The following ZNF180 variants were observed in gnomAD, a reference collection of about 807,000 sequenced individuals.
ZNF180 encodes the protein zinc finger protein 180.
Under a neutral mutation model 11.8 loss-of-function variants are expected in ZNF180, and 11 were observed. The observed-to-expected ratio is 0.93, with a 90% CI of 0.59 to 1.55. The LOEUF is 1.55. ZNF180 is among the 40% of genes most tolerant of loss of function. The probability of loss-of-function intolerance (pLI) is 0.00; values close to 1 mark genes in which losing one functional copy is unlikely to be tolerated. For missense variants in ZNF180, 773 were observed against 781.7 expected (o/e 0.99, Z 0.13); for synonymous variants, 287 against 257.7 (o/e 1.11, Z -1.09).
Position 44,491,656 on chromosome 19 carries a change from G to A in ZNF180, c.51+5628C>T, listed in dbSNP as rs112987511. Reference sequence around the variant, plus strand: ...CACCATCATAGCCTACTATAGTCTTGAACTCCTGGGCTCAAGCTATCCTAC... The same window carrying A: ...CACCATCATAGCCTACTATAGTCTTAAACTCCTGGGCTCAAGCTATCCTAC... On this transcript the variant is annotated intron_variant, in intron 2 of 4. Transcript: ENST00000592529. Among the ~76,000 whole-genome samples the A allele has an allele frequency of 2.6e-5, 4 of 152,200 alleles. 1 individual carries two copies. Among genetic ancestry groups the A allele is most frequent in the African/African-American group, 9.6e-5 (4 of 41,528 alleles).
At chr19:44,498,768 C>A (rs995438349) in intron 1 of ZNF180, among the ~76,000 whole-genome samples, 1 of 152,196 alleles carries the variant, frequency 6.6e-6, no homozygotes, top group African/African-American at 2.4e-5. Flanking sequence ...CATGCCTCCC[C>A]AATCTGCCCA....
intron 3 of ZNF180, 78 bp from the exon 4 acceptor site, chr19:44,479,487 A>G (rs1600071740): frequency 6.3e-7 from 1 of 1,577,872 alleles, no homozygotes; most frequent in Non-Finnish European, 8.6e-7. Flanking sequence ...AGTCTGACAG[A>G]TGGAAAAAGG....
chr19:44,476,727 G>C lies in ZNF180; in HGVS notation c.1673C>G (p.Ser558Cys). The change falls in exon 5 of 5, where the codon TCC becomes TGC. Residue 558 changes from serine (S) to cysteine (C), a missense_variant. By Grantham distance (112) the Ser-to-Cys change is moderately radical. Coordinates refer to ENST00000592529, the MANE Select transcript of ZNF180 (RefSeq NM_001278509.3). ...AACAAGAACATAACTCTGGCTGAAG[G>C]ATTTCCCACACTGATTACATTCATA... ...KPYECNQCGK[S>C]FSQSYVLVVH... 6.2e-7 allele frequency: 1 copy of C among 1,614,170 alleles called. No homozygotes were observed. The highest frequency in any genetic ancestry group is 8.5e-7 in the Non-Finnish European group (1 of 1,180,008).
At position 44,478,040 on chromosome 19, in the gene ZNF180, A is replaced by G; in HGVS notation, c.360T>C (p.Pro120=). 1 of 1,614,058 alleles carries G rather than the reference A, an allele frequency of 6.2e-7. No individual in the cohort carries two copies. The highest frequency in any genetic ancestry group is 8.5e-7 in the Non-Finnish European group (1 of 1,179,948). The part of the protein sequence containing the change: ...VKIERFTRDD[P]WLSSCEEVDD... ...CCACTTCTTCACATGAAGATAACCAAGGATCATCCCTTGTAAACCTTTCTA... is the reference window on the plus strand; with the variant it reads ...CCACTTCTTCACATGAAGATAACCAGGGATCATCCCTTGTAAACCTTTCTA... The change falls in exon 5 of 5, where the codon CCT becomes CCC. Residue 120 remains proline, a synonymous_variant. Transcript: ENST00000592529.
chr19:44,488,795 C>A (rs916616944), intron 2 of ZNF180, among the ~76,000 whole-genome samples: 1 of 151,914 alleles, frequency 6.6e-6, no homozygotes, highest in Non-Finnish European at 1.5e-5. Flanking sequence ...CTCTGCCCGG[C>A]GGCCATCCCA....
rs1970724293 is a variant in ZNF180, at chr19:44,500,462, T to C, written c.-231A>G. On this transcript the variant is annotated 5_prime_UTR_variant, in exon 1 of 5. Coordinates refer to ENST00000592529, the MANE Select transcript of ZNF180 (RefSeq NM_001278509.3). ...CCGCAAGGCCGCTGGGGGTTAAGTC[T>C]GAAGGGCCGAGCTGCTCGGCGACAG... 1.9e-5 allele frequency: 11 copies of C among 580,106 alleles called. No individual in the cohort carries two copies. In the East Asian group the frequency reaches 3.2e-4, roughly 17 times the overall value. 35.9% of individuals were successfully genotyped at this position (580,106 alleles called of 1,614,324 possible). A position where few individuals can be genotyped will look rare whatever the true frequency, so the allele number is the denominator to read the frequency against.
Position 44,496,268 on chromosome 19 carries a change from C to T in ZNF180, c.51+1016G>A, listed in dbSNP as rs149578628. Among the ~76,000 whole-genome samples, 236 of 152,144 alleles carry T rather than the reference C, an allele frequency of 1.6e-3. 1 individual carries two copies. Among genetic ancestry groups the T allele is most frequent in the African/African-American group, 5.7e-3 (236 of 41,512 alleles). On this transcript the variant is annotated intron_variant, in intron 2 of 4. Transcript: ENST00000592529. ...TCCTGGCCTCAAGCAATCCTCCCACCTCGGCCTCCCAAAGTACTGGGATTA... is the reference window on the plus strand; with the variant it reads ...TCCTGGCCTCAAGCAATCCTCCCACTTCGGCCTCCCAAAGTACTGGGATTA...
chr19:44,487,766 C>T (rs571360519), intron 2 of ZNF180, among the ~76,000 whole-genome samples: 1 of 152,230 alleles, frequency 6.6e-6, no homozygotes, highest in South Asian at 2.1e-4. Context: ...CTCGCGCTGT[C>T]CCCAGGCTGG....
chr19:44,483,378 T>C (rs1664998266), intron 3 of ZNF180, among the ~76,000 whole-genome samples: 1 of 152,216 alleles, frequency 6.6e-6, no homozygotes, highest in Admixed American at 6.5e-5. Flanking sequence ...AAAAACTAAA[T>C]GAATCTGAAT....
At chr19:44,489,975 G>GAA (rs1970391985) in intron 2 of ZNF180, among the ~76,000 whole-genome samples, 12 of 111,054 alleles carry the variant, frequency 1.1e-4, no homozygotes, top group African/African-American at 4.4e-4. Flanking sequence ...AGAAAAGAAA[G>GAA]AAAGAAAGAA....
chr19:44,481,589 G>A (rs1970081432), intron 3 of ZNF180, among the ~76,000 whole-genome samples: 1 of 152,046 alleles, frequency 6.6e-6, no homozygotes, highest in African/African-American at 2.4e-5. Context: ...AAAGTTCCAT[G>A]GACTTCTATA....
chr19:44,499,432 T>G (rs943931618), intron 1 of ZNF180, among the ~76,000 whole-genome samples: 1 of 152,208 alleles, frequency 6.6e-6, no homozygotes, highest in Non-Finnish European at 1.5e-5. Context: ...AGCTACCAAT[T>G]TGATGGCAGC....
At chr19:44,500,017 T>C (rs1225058438) in intron 1 of ZNF180, among the ~76,000 whole-genome samples, 2 of 152,194 alleles carry the variant, frequency 1.3e-5, no homozygotes, top group African/African-American at 4.8e-5. Flanking sequence ...GCATGTGCCC[T>C]GTGTTCCAGC....
chr19:44,486,822 C>T (rs951524921), intron 2 of ZNF180, among the ~76,000 whole-genome samples: 16 of 152,110 alleles, frequency 1.1e-4, no homozygotes, highest in Admixed American at 9.2e-4. Flanking sequence ...GGGCAGATTG[C>T]CTGAACTCAG....
chr19:44,476,481 C>T lies in ZNF180; in HGVS notation c.1919G>A (p.Gly640Glu). The T allele has an allele frequency of 6.2e-7, 1 of 1,614,038 alleles. No individual in the cohort carries two copies. Among genetic ancestry groups the T allele is most frequent in the Non-Finnish European group, 8.5e-7 (1 of 1,179,960 alleles). ...TTTATAGCTATTAATGAAAGCTTTT[C>T]CACACTGAATACATGTAAAGGGTTT... is the stretch of plus-strand genomic sequence containing the variant. ...GEKPFTCIQCGKAFINSYKLI... is the reference protein window; with the variant it reads ...GEKPFTCIQCEKAFINSYKLI... Residue 640 changes from glycine to glutamate, a missense_variant, in exon 5 of 5, where the codon GGA (glycine) becomes GAA (glutamate). Coordinates refer to ENST00000592529, the MANE Select transcript of ZNF180 (RefSeq NM_001278509.3).
chr19:44,477,654 C>CTAAA lies in ZNF180; in HGVS notation c.742_745dup (p.Ser249IlefsTer2), dbSNP rs763995533. 31 of 1,613,802 alleles carry CTAAA rather than the reference C, an allele frequency of 1.9e-5. No homozygotes were observed. The highest frequency in any genetic ancestry group is 2.6e-5 in the Non-Finnish European group (31 of 1,179,922). On this transcript the variant is annotated stop_gained and frameshift_variant, in exon 5 of 5. Transcript: ENST00000592529. LOFTEE classifies it low-confidence loss of function (END_TRUNC). ...ATGGCAAAAAGATTGAATACGGTCA[C>CTAAA]TAAATCCATAGGATTTATCTTTTGT...
chr19:44,484,780 G>T, intron 2 of ZNF180: 2 of 264,318 alleles, frequency 7.6e-6, no homozygotes, highest in Non-Finnish European at 1.4e-5. Flanking sequence ...AAAATTCCTG[G>T]GTCACAAAAT....
chr19:44,490,483 C>G (rs1970424439), intron 2 of ZNF180, among the ~76,000 whole-genome samples: 1 of 152,072 alleles, frequency 6.6e-6, no homozygotes, highest in Non-Finnish European at 1.5e-5. Context: ...CTTATCTGGC[C>G]TGAAAGAAAA....
At chr19:44,489,785 A>T (rs188759424) in intron 2 of ZNF180, among the ~76,000 whole-genome samples, 49 of 143,194 alleles carry the variant, frequency 3.4e-4, no homozygotes, top group Non-Finnish European at 4.1e-4. Context: ...GAAATGGGAA[A>T]AAATAAATAA....
Sources: gnomAD v4.1 joint callset for allele counts (sites outside exome capture counted in the v4.1 genomes callset) on GRCh38, gnomAD v4.1.1 for gene constraint, MANE v1.5 for transcripts, NCBI Gene and HGNC (gene_info 2026-07-23, HGNC 2026-07-21) for gene names.